Variants in ZNF644 observed in about 807,000 individuals in gnomAD.
ZNF644 encodes the protein zinc finger protein 644.
In ZNF644, 20 loss-of-function variants were observed where a neutral mutation model predicts 108.0. That is an observed-to-expected ratio of 0.19 (90% confidence interval 0.13 to 0.27). The LOEUF (loss-of-function observed/expected upper bound fraction) is 0.27. ZNF644 is among the 10% of genes least tolerant of loss of function. The probability of loss-of-function intolerance (pLI) is 1.00; values close to 1 mark genes in which losing one functional copy is unlikely to be tolerated. For synonymous variants in ZNF644, 542 were observed against 539.1 expected, an observed-to-expected ratio of 1.01 and a Z score of -0.08; for missense variants, 1,338 against 1,548.9, an observed-to-expected ratio of 0.86 and a Z score of 2.29.
At chr1:90,965,727 T>A (rs895265574) in intron 2 of ZNF644, among the ~76,000 whole-genome samples, 1 of 152,294 alleles carries the variant, frequency 6.6e-6, no homozygotes, top group African/African-American at 2.4e-5. Flanking sequence ...CAATGCACTT[T>A]GTCCTAGACC....
intron 4 of ZNF644, among the ~76,000 whole-genome samples, chr1:90,936,112 T>G (rs942972139): frequency 2.6e-5 from 4 of 152,174 alleles, no homozygotes; most frequent in African/African-American, 9.7e-5. Context: ...ATAATGAAAG[T>G]TAATGATTTA....
At chr1:90,959,798 T>A (rs992086545) in intron 2 of ZNF644, among the ~76,000 whole-genome samples, 1 of 152,312 alleles carries the variant, frequency 6.6e-6, no homozygotes, top group African/African-American at 2.4e-5. Flanking sequence ...GAGCTAGTGG[T>A]TGCACAACAG....
At chr1:90,985,073 T>G (rs556119684) in intron 1 of ZNF644, among the ~76,000 whole-genome samples, 8 of 152,208 alleles carry the variant, frequency 5.3e-5, no homozygotes, top group Non-Finnish European at 7.4e-5. Context: ...TTTACCTTGC[T>G]TTGCTCGTAC....
intron 1 of ZNF644, among the ~76,000 whole-genome samples, chr1:91,004,410 T>A (rs1659210132): frequency 6.6e-6 from 1 of 152,172 alleles, no homozygotes; most frequent in Non-Finnish European, 1.5e-5. Flanking sequence ...GGTGTCAAAG[T>A]ACTGAAAGAA....
Position 90,939,003 on chromosome 1 carries a change from T to C in ZNF644, c.2351A>G (p.Asn784Ser), listed in dbSNP as rs372686470. 4.6e-5 allele frequency: 74 copies of C among 1,614,034 alleles called. No individual in the cohort carries two copies. In the African/African-American group the frequency reaches 4.8e-4, roughly 10 times the overall value. ...AGGCTTATGAGGGTCTGAAATAAAA[T>C]TGTTGTGAGAATTACTTGATGATGA... is the stretch of plus-strand genomic sequence containing the variant. ...LFSSSSNSHN[N>S]FISDPHKPDA... is the part of the protein sequence containing the mutation. Residue 784 changes from asparagine (N) to serine (S), a missense_variant, in exon 3 of 6, where the codon AAT becomes AGT. By Grantham distance (46) the Asn-to-Ser change is conservative (BLOSUM62 1). This residue lies in a region of ZNF644 where 462 missense variants were observed against 472.6 expected (regional missense o/e 0.98). Transcript: ENST00000337393.
rs777305453 is a variant in ZNF644 at position 90,939,736 on chromosome 1, A to G, written c.1618T>C (p.Leu540=). The G allele has an allele frequency of 6.2e-7, 1 of 1,613,900 alleles. No homozygotes were observed. The highest frequency in any genetic ancestry group is 2.2e-5 in the East Asian group (1 of 44,870). Residue 540 remains leucine, a synonymous_variant, in exon 3 of 6, where the codon TTG becomes CTG. Coordinates refer to ENST00000337393, the MANE Select transcript of ZNF644 (RefSeq NM_201269.3). Reference sequence around the variant, plus strand: ...TGTGCAATGCCTCGATGGCATTCCAATTCATTTTCTGTCACTGCCATGAAG... The same window carrying G: ...TGTGCAATGCCTCGATGGCATTCCAGTTCATTTTCTGTCACTGCCATGAAG... ...CNFMAVTENE[L]ECHRGIAHGA... is the part of the protein sequence containing the mutation.
chr1:90,959,244 C>T (rs769790300), intron 2 of ZNF644, among the ~76,000 whole-genome samples: 29 of 151,920 alleles, frequency 1.9e-4, no homozygotes, highest in Non-Finnish European at 3.2e-4. Context: ...AATAAACAAA[C>T]GAAAAAACCA....
intron 2 of ZNF644, among the ~76,000 whole-genome samples, chr1:90,949,364 T>G (rs933181911): frequency 6.6e-6 from 1 of 152,146 alleles, no homozygotes; most frequent in African/African-American, 2.4e-5. Flanking sequence ...CAACTTATTT[T>G]TCTGAAACCA....
intron 1 of ZNF644, among the ~76,000 whole-genome samples, chr1:91,007,235 T>G (rs934426228): frequency 6.4e-4 from 86 of 135,082 alleles, no homozygotes; most frequent in Middle Eastern, 3.6e-3. Context: ...GTTTTTTTTT[T>G]TTTTTTTTTT....
intron 2 of ZNF644, among the ~76,000 whole-genome samples, chr1:90,969,831 G>A (rs898444906): frequency 1.3e-4 from 20 of 152,076 alleles, no homozygotes; most frequent in African/African-American, 4.6e-4. Context: ...TGAGGTTTTC[G>A]CATCCACTGG....
At chr1:90,928,522 CA>C (rs1459299792) in intron 4 of ZNF644, among the ~76,000 whole-genome samples, 3 of 151,694 alleles carry the variant, frequency 2.0e-5, no homozygotes, top group Admixed American at 6.6e-5. Flanking sequence ...AGGGTTTCAC[CA>C]TGTTGACCAT....
chr1:90,973,632 T>C (rs1000603994), intron 2 of ZNF644, among the ~76,000 whole-genome samples: 4 of 152,024 alleles, frequency 2.6e-5, no homozygotes, highest in Non-Finnish European at 5.9e-5. Flanking sequence ...GTAGAAAGAG[T>C]AAACATCATA....
Position 90,938,154 on chromosome 1 carries a change from G to A in ZNF644, c.3083-64C>T, listed in dbSNP as rs1651545760. 18 of 1,605,560 alleles carry A rather than the reference G, an allele frequency of 1.1e-5. No homozygotes were observed. The East Asian group carries it at 4.0e-4, about 36-fold the overall frequency. ...ATATAAACTGACCACCCTAAAATGA[G>A]TTAATTCTGAAACATAAAATTATGA... On this transcript the variant is annotated intron_variant, in intron 3 of 5. Transcript: ENST00000337393. This position sits in a 1 kb window ranked among gnomAD's most constrained non-coding sequence, Gnocchi z 4.2.
intron 2 of ZNF644, among the ~76,000 whole-genome samples, chr1:90,960,159 G>A (rs575372590): frequency 1.3e-5 from 2 of 152,142 alleles, no homozygotes; most frequent in African/African-American, 4.8e-5. Context: ...ATATGTCAAA[G>A]AGAAGCTGTA....
Position 90,941,044 on chromosome 1 carries a change from A to C in ZNF644, c.310T>G (p.Ser104Ala), listed in dbSNP as rs1372093958. Reference sequence around the variant, plus strand: ...TTAGGCAAGATAAAGTTTTCACTAGAAACAGTAGGAGCACCAGCATGTATA... The same window carrying C: ...TTAGGCAAGATAAAGTTTTCACTAGCAACAGTAGGAGCACCAGCATGTATA... ...LFIHAGAPTVSSENFILPKGA... is the reference protein window; with the variant it reads ...LFIHAGAPTVASENFILPKGA... The change falls in exon 3 of 6, where the codon TCT becomes GCT. Residue 104 changes from serine (S) to alanine (A), a missense_variant. Physicochemically the swap from Ser to Ala is moderately conservative, Grantham distance 99. Around this residue, in one of 6 missense-constraint regions of ZNF644, gnomAD observed 464 missense variants for 457.9 expected, o/e 1.01. Transcript: ENST00000337393. 6.2e-7 allele frequency: 1 copy of C among 1,614,132 alleles called. No homozygotes were observed. Among genetic ancestry groups the C allele is most frequent in the Admixed American group, 1.7e-5 (1 of 60,020 alleles).
At chr1:90,999,864 C>T (rs1470803957) in intron 1 of ZNF644, among the ~76,000 whole-genome samples, 1 of 151,590 alleles carries the variant, frequency 6.6e-6, no homozygotes. Context: ...AAATGGAAAA[C>T]AAAAAAAGGC....
rs1263108630 is a variant in ZNF644, at chr1:90,915,524, A to C, written c.*1274T>G. ...ATGAAATAAAATGGTGCTTGCATACAAAAACTTGTTGTTTGTAAAGGAATC... is the reference window on the plus strand; with the variant it reads ...ATGAAATAAAATGGTGCTTGCATACCAAAACTTGTTGTTTGTAAAGGAATC... On this transcript the variant is annotated 3_prime_UTR_variant, in exon 6 of 6. Coordinates refer to ENST00000337393, the MANE Select transcript of ZNF644 (RefSeq NM_201269.3). The C allele has an allele frequency of 1.3e-5, 2 of 152,622 alleles. No individual in the cohort carries two copies. Among genetic ancestry groups the C allele is most frequent in the African/African-American group, 4.8e-5 (2 of 41,464 alleles). The allele number at this position is 152,622 out of a possible 1,614,324, so 9.5% of individuals were successfully genotyped here.
At chr1:90,988,918 A>G (rs532835051) in intron 1 of ZNF644, among the ~76,000 whole-genome samples, 2 of 152,286 alleles carry the variant, frequency 1.3e-5, no homozygotes, top group South Asian at 4.1e-4. Flanking sequence ...ATAAGAACTA[A>G]AACAATAAAA....
chr1:90,924,003 T>C (rs2100809469), intron 4 of ZNF644, among the ~76,000 whole-genome samples: 1 of 152,294 alleles, frequency 6.6e-6, no homozygotes, highest in South Asian at 2.1e-4. Flanking sequence ...GACTCCACTA[T>C]TTCAAAGTAG....
Sources: gnomAD v4.1 joint callset for allele counts (sites outside exome capture counted in the v4.1 genomes callset) on GRCh38, gnomAD v4.1.1 for gene constraint, gnomAD v4.1.1 regional missense constraint, Gnocchi (gnomAD v3.1) non-coding constraint, MANE v1.5 for transcripts, NCBI Gene and HGNC (gene_info 2026-07-23, HGNC 2026-07-21) for gene names.